The following CDH4 variants were observed in gnomAD, a reference collection of about 807,000 sequenced individuals.
CDH4 encodes the protein cadherin-4.
A neutral mutation model predicts 86.0 loss-of-function variants in CDH4; 33 were observed. The ratio of observed to expected loss-of-function variants is 0.38; its 90% confidence interval spans 0.29 to 0.51. The LOEUF (loss-of-function observed/expected upper bound fraction) is 0.51. Among genes scored for constraint, CDH4 ranks in the 20% least tolerant of loss-of-function variants. The pLI is 0.86. For synonymous variants in CDH4, 555 were observed against 549.4 expected (o/e 1.01, Z -0.14); for missense variants, 1,114 against 1,307.4 (o/e 0.85, Z 2.28).
At chr20:61,503,080 T>A (rs1269083883) in intron 2 of CDH4, among the ~76,000 whole-genome samples, 1 of 152,192 alleles carries the variant, frequency 6.6e-6, no homozygotes, top group Non-Finnish European at 1.5e-5. Context: ...CTGTGCTGGG[T>A]ACTCCTCCCA....
chr20:61,305,596 CG>C (rs879715042), intron 2 of CDH4, among the ~76,000 whole-genome samples: 12 of 152,230 alleles, frequency 7.9e-5, no homozygotes, highest in Non-Finnish European at 1.8e-4. Flanking sequence ...CTCTTGACCT[CG>C]GTTCACGAAC....
At chr20:61,771,112 G>C (rs919865443) in intron 3 of CDH4, among the ~76,000 whole-genome samples, 4 of 149,084 alleles carry the variant, frequency 2.7e-5, no homozygotes, top group Non-Finnish European at 5.9e-5. Context: ...CCGGGTTCAA[G>C]TGATTCTCCG....
intron 14 of CDH4, among the ~76,000 whole-genome samples, chr20:61,933,507 CTG>C (rs2055139766): frequency 6.6e-6 from 1 of 152,236 alleles, no homozygotes; most frequent in African/African-American, 2.4e-5. Context: ...GGAGGGTAGA[CTG>C]TGAGAGCTGG....
chr20:61,907,613 C>T (rs947863961), intron 8 of CDH4, among the ~76,000 whole-genome samples: 17 of 152,278 alleles, frequency 1.1e-4, no homozygotes, highest in African/African-American at 3.8e-4. Context: ...TGCTGGGGGA[C>T]GATCTGACTC....
intron 6 of CDH4, among the ~76,000 whole-genome samples, chr20:61,872,605 C>T (rs1250310770): frequency 6.6e-6 from 1 of 152,142 alleles, no homozygotes; most frequent in South Asian, 2.1e-4. Context: ...CAGCAGCTCT[C>T]CTCTGTGCAT....
chr20:61,569,254 C>T (rs570986870), intron 2 of CDH4, among the ~76,000 whole-genome samples: 2 of 152,238 alleles, frequency 1.3e-5, no homozygotes, highest in Non-Finnish European at 2.9e-5. Flanking sequence ...GAACACTGCA[C>T]TGCACATAGT....
intron 2 of CDH4, among the ~76,000 whole-genome samples, chr20:61,614,986 C>T (rs994110204): frequency 5.9e-5 from 9 of 152,136 alleles, no homozygotes; most frequent in Admixed American, 2.0e-4. Flanking sequence ...CCACCCACCC[C>T]AGAACACCAG....
At chr20:61,932,161 GC>G (rs1205202990) in intron 13 of CDH4, among the ~76,000 whole-genome samples, 7 of 152,162 alleles carry the variant, frequency 4.6e-5, no homozygotes, top group Non-Finnish European at 1.0e-4. Flanking sequence ...CTCTGACAAA[GC>G]CATCTCCCTC....
intron 3 of CDH4, among the ~76,000 whole-genome samples, chr20:61,766,679 C>T (rs2088702217): frequency 6.6e-6 from 1 of 152,190 alleles, no homozygotes; most frequent in Non-Finnish European, 1.5e-5. Context: ...ACCTCGGAGC[C>T]TGTGACGCCC....
intron 6 of CDH4, among the ~76,000 whole-genome samples, chr20:61,864,963 C>T (rs1187784124): frequency 6.6e-6 from 1 of 152,186 alleles, no homozygotes; most frequent in East Asian, 1.9e-4. Context: ...GCAGCAGAGC[C>T]TCCAGGGCTC....
chr20:61,350,417 CTCCCCCT>C (rs1199141671), intron 2 of CDH4, among the ~76,000 whole-genome samples: 2 of 956 alleles, frequency 2.1e-3, no homozygotes, highest in Non-Finnish European at 2.8e-3. Flanking sequence ...AGGCAGACAC[CTCCCCCT>C]CCCCCAGTGC....
chr20:61,491,383 A>C (rs995783816), intron 2 of CDH4, among the ~76,000 whole-genome samples: 2 of 152,188 alleles, frequency 1.3e-5, no homozygotes, highest in African/African-American at 4.8e-5. Flanking sequence ...TTTGCAGGAC[A>C]GGTGTTCTGA....
chr20:61,432,234 C>G (rs1257085662), intron 2 of CDH4, among the ~76,000 whole-genome samples: 3 of 152,172 alleles, frequency 2.0e-5, no homozygotes, highest in Non-Finnish European at 1.5e-5. Context: ...GTGGTTGAAC[C>G]ATTTTACATT....
intron 3 of CDH4, among the ~76,000 whole-genome samples, chr20:61,763,497 G>A (rs567584128): frequency 1.4e-4 from 21 of 152,350 alleles, no homozygotes; most frequent in Non-Finnish European, 2.9e-4. Context: ...GATTCCCAGG[G>A]AGCTCGTCCA....
chr20:61,835,550 G>GCTGGGAGGTGC (rs1471050995), intron 4 of CDH4, among the ~76,000 whole-genome samples: 1 of 151,754 alleles, frequency 6.6e-6, no homozygotes, highest in Non-Finnish European at 1.5e-5. Flanking sequence ...ACGGAGTGGG[G>GCTGGGAGGTGC]CTGGGAGGTG....
At chr20:61,353,762 C>CCCTCCCCCTCCCCCTCCT (rs1555840046) in intron 2 of CDH4, among the ~76,000 whole-genome samples, 2 of 138,768 alleles carry the variant, frequency 1.4e-5, no homozygotes, top group Admixed American at 7.3e-5. Flanking sequence ...CGATGATTCA[C>CCCTCCCCCTCCCCCTCCT]CCCAGTTCAC....
At chr20:61,494,960 C>G (rs2085649851) in intron 2 of CDH4, among the ~76,000 whole-genome samples, 1 of 152,228 alleles carries the variant, frequency 6.6e-6, no homozygotes, top group Non-Finnish European at 1.5e-5. Flanking sequence ...ATGCCATGCC[C>G]TGCACTGGGG....
chr20:61,763,701 G>A (rs2145973233), intron 3 of CDH4, among the ~76,000 whole-genome samples: 1 of 152,232 alleles, frequency 6.6e-6, no homozygotes, highest in Middle Eastern at 3.4e-3. Context: ...GTTTCTGCAT[G>A]GAAGCCGGGT....
At chr20:61,631,375 G>A (rs2086886859) in intron 2 of CDH4, among the ~76,000 whole-genome samples, 2 of 152,230 alleles carry the variant, frequency 1.3e-5, no homozygotes, top group Non-Finnish European at 2.9e-5. Flanking sequence ...GGGTGCAGTG[G>A]CTCACATCTG....
Sources: gnomAD v4.1 joint callset for allele counts (sites outside exome capture counted in the v4.1 genomes callset) on GRCh38, gnomAD v4.1.1 for gene constraint, MANE v1.5 for transcripts, NCBI Gene and HGNC (gene_info 2026-07-23, HGNC 2026-07-21) for gene names.